The following APOH variants were observed in gnomAD, a reference collection of about 807,000 sequenced individuals.
The protein encoded by APOH is apolipoprotein H.
APOH carries 48 observed loss-of-function variants against 39.8 expected under a neutral mutation model. That is an observed-to-expected ratio of 1.21 (90% CI 0.96 to 1.54). The LOEUF is 1.54. APOH is among the 40% of genes most tolerant of loss of function. APOH has a pLI of 0.00. For synonymous variants in APOH, 153 were observed against 151.1 expected (o/e 1.01, Z -0.09); for missense variants, 415 against 421.2 (o/e 0.99, Z 0.13).
At position 66,219,011 on chromosome 17, in the gene APOH, A is replaced by AAAT. The variant is rs533804419; in HGVS notation, c.604+1540_604+1542dup. Among the ~76,000 whole-genome samples the AAAT allele has an allele frequency of 3.6e-3, 545 of 152,100 alleles. 3 individuals are homozygous for AAAT. The highest frequency in any genetic ancestry group is 0.013 in the African/African-American group (524 of 41,462). ...GGTGACAGAGTGAGACACCATTTCAAAATAATAATAATAATTATTATTATA... is the reference window on the plus strand; with the variant it reads ...GGTGACAGAGTGAGACACCATTTCAAAATAATAATAATAATAATTATTATTATA... On this transcript the variant is annotated intron_variant, in intron 5 of 7. Coordinates refer to ENST00000205948, the MANE Select transcript of APOH (RefSeq NM_000042.3).
chr17:66,218,139 A>G (rs1014896450), intron 5 of APOH, among the ~76,000 whole-genome samples: 1 of 152,270 alleles, frequency 6.6e-6, no homozygotes, highest in African/African-American at 2.4e-5. Flanking sequence ...TGACTGCCCA[A>G]CAGTGGATAT....
chr17:66,220,231 G>A (rs1030253652), intron 5 of APOH, among the ~76,000 whole-genome samples: 4 of 152,154 alleles, frequency 2.6e-5, no homozygotes, highest in African/African-American at 9.7e-5. Context: ...TGCCTTTCAT[G>A]TCTCCCCCAT....
intron 3 of APOH, 58 bp from the exon 4 acceptor site, chr17:66,223,832 A>T: frequency 1.4e-6 from 2 of 1,422,132 alleles, no homozygotes; most frequent in Non-Finnish European, 2.0e-6. Context: ...TGACATCTCA[A>T]ATATCTTCTC....
At chr17:66,227,043 C>G (rs1171166333) in intron 2 of APOH, among the ~76,000 whole-genome samples, 1 of 151,890 alleles carries the variant, frequency 6.6e-6, no homozygotes, top group Admixed American at 6.6e-5. Flanking sequence ...CCAGCATGCC[C>G]GGCTAATTTT....
intron 6 of APOH, among the ~76,000 whole-genome samples, chr17:66,215,053 A>T (rs1318360121): frequency 6.6e-6 from 1 of 152,202 alleles, no homozygotes; most frequent in Non-Finnish European, 1.5e-5. Flanking sequence ...ATAACAGCTC[A>T]TAAATACTCT....
chr17:66,212,177 G>A lies in APOH; in HGVS notation c.994C>T (p.Leu332=). ...GATGCATCAGTTTTCCAAAAAGCCA[G>A]AGAACTGTGTTCTGTTGGGGGAGAA... ...VPKCFKEHSS[L]AFWKTDASDV... Residue 332 remains leucine, a synonymous_variant, in exon 8 of 8, where the codon CTG becomes TTG. Coordinates refer to ENST00000205948, the MANE Select transcript of APOH (RefSeq NM_000042.3). The A allele has an allele frequency of 6.2e-7, 1 of 1,613,892 alleles. No individual in the cohort carries two copies. Among genetic ancestry groups the A allele is most frequent in the Non-Finnish European group, 8.5e-7 (1 of 1,179,788 alleles).
chr17:66,228,287 T>TA lies in APOH; in HGVS notation c.65-92dup. ...CACAAATGAAAAATGTGTGTACTGT[T>TA]ACCAATTATAAGCATACCAAGTTGC... On this transcript the variant is annotated intron_variant, in intron 1 of 7. Transcript: ENST00000205948. The TA allele has an allele frequency of 5.0e-6, 7 of 1,393,614 alleles. No homozygotes were observed. In the South Asian group the frequency reaches 8.0e-5, roughly 16 times the overall value. 86.3% of individuals were successfully genotyped at this position (1,393,614 alleles called of 1,614,324 possible).
intron 4 of APOH, 134 bp from the exon 5 acceptor site, chr17:66,220,876 T>G (rs1193143487): frequency 2.1e-6 from 2 of 951,338 alleles, no homozygotes; most frequent in Non-Finnish European, 1.5e-6. Flanking sequence ...GGGTAAAAAT[T>G]GTCAATTGTG....
intron 5 of APOH, among the ~76,000 whole-genome samples, chr17:66,218,313 G>A (rs1453315480): frequency 6.8e-6 from 1 of 146,440 alleles, no homozygotes; most frequent in Non-Finnish European, 1.6e-5. Flanking sequence ...ATGACAGAAT[G>A]TATTTTTTTT....
chr17:66,224,470 TAAAAAAAAAAA>T (rs760150264), intron 3 of APOH, among the ~76,000 whole-genome samples: 1 of 43,018 alleles, frequency 2.3e-5, no homozygotes, highest in Non-Finnish European at 3.2e-5. Context: ...GAAGATCCTG[TAAAAAAAAAAA>T]AAAAAAAAAA....
intron 5 of APOH, among the ~76,000 whole-genome samples, chr17:66,218,785 G>A (rs569966231): frequency 2.4e-4 from 37 of 151,890 alleles, no homozygotes; most frequent in Middle Eastern, 3.4e-3. Flanking sequence ...TGAGGCAGGC[G>A]GATCATTTTA....
At chr17:66,218,523 G>T (rs1251475287) in intron 5 of APOH, among the ~76,000 whole-genome samples, 8 of 151,932 alleles carry the variant, frequency 5.3e-5, no homozygotes, top group African/African-American at 1.9e-4. Flanking sequence ...TGGCCAGGCT[G>T]GTCTTGAACT....
chr17:66,213,762 A>T (rs752786367), intron 7 of APOH, among the ~76,000 whole-genome samples: 1 of 152,084 alleles, frequency 6.6e-6, no homozygotes, highest in African/African-American at 2.4e-5. Flanking sequence ...ACATGGCATA[A>T]TCTCTTCTCT....
Position 66,224,939 on chromosome 17 carries a change from C to T in APOH, c.338+1089G>A, listed in dbSNP as rs144962293. Among the ~76,000 whole-genome samples, 1,457 of 151,750 alleles carry T rather than the reference C, an allele frequency of 9.6e-3. 29 individuals are homozygous for T. Among genetic ancestry groups the T allele is most frequent in the African/African-American group, 0.034 (1,405 of 41,370 alleles). The stretch of plus-strand genomic sequence containing the variant: ...AAAATTATCTGGGTGTGGTGGTAGG[C>T]GCCTGTAATCCCAGCTACTTGGGAA... On this transcript the variant is annotated intron_variant, in intron 3 of 7. Transcript: ENST00000205948.
chr17:66,220,431 T>A (rs928908821), intron 5 of APOH, 123 bp downstream of exon 5: 2 of 896,408 alleles, frequency 2.2e-6, no homozygotes, highest in Non-Finnish European at 3.5e-6. Context: ...ACATGGTAGA[T>A]GCTCAATAAA....
chr17:66,214,768 A>T, intron 6 of APOH, 118 bp from the exon 7 acceptor site: 1 of 785,002 alleles, frequency 1.3e-6, no homozygotes, highest in Non-Finnish European at 2.1e-6. Flanking sequence ...AGGCAAGAAA[A>T]ATCCAAGAAT....
intron 2 of APOH, among the ~76,000 whole-genome samples, chr17:66,226,680 C>T (rs374685807): frequency 3.3e-5 from 5 of 150,880 alleles, no homozygotes; most frequent in African/African-American, 1.2e-4. Flanking sequence ...TTTAATTAAT[C>T]ATGGTAAATC....
intron 3 of APOH, among the ~76,000 whole-genome samples, chr17:66,223,997 A>G (rs577136224): frequency 6.6e-6 from 1 of 152,306 alleles, no homozygotes; most frequent in South Asian, 2.1e-4. Context: ...TGAGTGGAGA[A>G]TCCAAACCCT....
chr17:66,216,168 A>G (rs1268482357), intron 6 of APOH, among the ~76,000 whole-genome samples: 2 of 141,092 alleles, frequency 1.4e-5, no homozygotes, highest in Non-Finnish European at 3.0e-5. Flanking sequence ...CTCCATCTCA[A>G]AAAAAAAAAA....
Sources: gnomAD v4.1 joint callset for allele counts (sites outside exome capture counted in the v4.1 genomes callset) on GRCh38, gnomAD v4.1.1 for gene constraint, MANE v1.5 for transcripts, NCBI Gene and HGNC (gene_info 2026-07-23, HGNC 2026-07-21) for gene names.